Variants in ARHGAP15 observed in about 807,000 individuals in gnomAD.
The protein encoded by ARHGAP15 is rho GTPase-activating protein 15.
Under a neutral mutation model 63.7 loss-of-function variants are expected in ARHGAP15, and 51 were observed. That is an observed-to-expected ratio of 0.80 (90% confidence interval 0.64 to 1.01). The LOEUF (loss-of-function observed/expected upper bound fraction) is 1.01, where lower values mean the gene tolerates loss of function less well. Ranked by LOEUF, ARHGAP15 falls within the 50% of genes least tolerant of loss-of-function variation. The pLI, the probability that ARHGAP15 is intolerant of heterozygous loss-of-function variation, is 0.00. For missense variants in ARHGAP15, 560 were observed against 564.6 expected, an observed-to-expected ratio of 0.99 and a Z score of 0.08; for synonymous variants, 191 against 193.8, an observed-to-expected ratio of 0.99 and a Z score of 0.12.
At chr2:143,454,441 T>C (rs1280125034) in intron 8 of ARHGAP15, among the ~76,000 whole-genome samples, 1 of 152,092 alleles carries the variant, frequency 6.6e-6, no homozygotes, top group East Asian at 1.9e-4. Context: ...CACTGTATAT[T>C]TATCTGTTTG....
intron 9 of ARHGAP15, among the ~76,000 whole-genome samples, chr2:143,514,918 ACAT>A (rs749210346): frequency 7.2e-5 from 11 of 152,170 alleles, no homozygotes; most frequent in Non-Finnish European, 1.5e-4. Context: ...ATTTCCACTC[ACAT>A]CATTCCAAAG....
At chr2:143,289,284 A>C (rs987704952) in intron 6 of ARHGAP15, among the ~76,000 whole-genome samples, 1 of 152,212 alleles carries the variant, frequency 6.6e-6, no homozygotes, top group African/African-American at 2.4e-5. Flanking sequence ...GGGACCAACT[A>C]TACCAGGTTT....
At chr2:143,145,180 T>G (rs770877361) in intron 1 of ARHGAP15, among the ~76,000 whole-genome samples, 8 of 152,068 alleles carry the variant, frequency 5.3e-5, no homozygotes, top group Non-Finnish European at 1.0e-4. Flanking sequence ...GGTGAAACAT[T>G]AACTTAATAC....
chr2:143,318,158 C>G (rs756734425), intron 6 of ARHGAP15, among the ~76,000 whole-genome samples: 6 of 151,980 alleles, frequency 3.9e-5, no homozygotes, highest in Admixed American at 1.3e-4. Context: ...GGCACCACAC[C>G]TGGCTAATAT....
intron 6 of ARHGAP15, among the ~76,000 whole-genome samples, chr2:143,396,621 T>G (rs917262615): frequency 1.3e-5 from 2 of 151,998 alleles, no homozygotes; most frequent in African/African-American, 4.8e-5. Flanking sequence ...TTAAGTTTTT[T>G]TTTTTTTTTA....
chr2:143,635,194 CTT>C (rs10558886), intron 12 of ARHGAP15, among the ~76,000 whole-genome samples: 592 of 26,746 alleles, frequency 0.022, no homozygotes, highest in Non-Finnish European at 0.026. Flanking sequence ...CTCTCAGGAG[CTT>C]TTTTTTTTTT....
chr2:143,170,915 C>T (rs1558791356), intron 2 of ARHGAP15, among the ~76,000 whole-genome samples: 1 of 152,112 alleles, frequency 6.6e-6, no homozygotes, highest in Non-Finnish European at 1.5e-5. Flanking sequence ...CTTTCTCTAA[C>T]CTCAACAGAA....
At chr2:143,470,597 ATG>A (rs908429469) in intron 8 of ARHGAP15, among the ~76,000 whole-genome samples, 1 of 150,102 alleles carries the variant, frequency 6.7e-6, no homozygotes, top group African/African-American at 2.4e-5. Flanking sequence ...ATATATATGC[ATG>A]TGTGTGTATA....
At chr2:143,389,202 G>T (rs1687436111) in intron 6 of ARHGAP15, among the ~76,000 whole-genome samples, 1 of 151,694 alleles carries the variant, frequency 6.6e-6, no homozygotes, top group African/African-American at 2.4e-5. Context: ...CTGGCATGCT[G>T]GTGTATCTGG....
chr2:143,247,279 A>G (rs1361045177), intron 5 of ARHGAP15: 2 of 152,352 alleles, frequency 1.3e-5, no homozygotes, highest in Non-Finnish European at 1.5e-5. Flanking sequence ...GCATGCTGGT[A>G]GCAAGAGGTT....
At chr2:143,218,450 C>T (rs984115509) in intron 4 of ARHGAP15, among the ~76,000 whole-genome samples, 3 of 151,786 alleles carry the variant, frequency 2.0e-5, no homozygotes, top group Admixed American at 6.6e-5. Flanking sequence ...CCCTTGTAGA[C>T]CTTCATTTTA....
chr2:143,381,867 G>T (rs1342859850), intron 6 of ARHGAP15, among the ~76,000 whole-genome samples: 1 of 151,980 alleles, frequency 6.6e-6, no homozygotes, highest in Non-Finnish European at 1.5e-5. Context: ...AAAGCATAAA[G>T]GGGAGGAGGT....
At chr2:143,536,121 A>T (rs1456481704) in intron 10 of ARHGAP15, among the ~76,000 whole-genome samples, 1 of 152,202 alleles carries the variant, frequency 6.6e-6, no homozygotes, top group African/African-American at 2.4e-5. Context: ...TCGTCTTGCT[A>T]TCCAATAGAT....
At position 143,369,969 on chromosome 2, in the gene ARHGAP15, C is replaced by T. The variant is rs191214449; in HGVS notation, c.475-65632C>T. 1.4e-4 allele frequency among the ~76,000 whole-genome samples: 21 copies of T among 152,198 alleles called. 1 individual carries two copies. Among genetic ancestry groups the T allele is most frequent in the Admixed American group, 5.9e-4 (9 of 15,266 alleles). ...GATTCATATCTGTTTTATTCTAAAA[C>T]GCATGCTCACTTCCACTGAATTATG... On this transcript the variant is annotated intron_variant, in intron 6 of 13. Coordinates refer to ENST00000295095, the MANE Select transcript of ARHGAP15 (RefSeq NM_018460.4).
chr2:143,719,558 T>A (rs1684959070), intron 13 of ARHGAP15, among the ~76,000 whole-genome samples: 1 of 152,214 alleles, frequency 6.6e-6, no homozygotes, highest in Non-Finnish European at 1.5e-5. Context: ...TTTCCACTTT[T>A]CTTTCATTTC....
intron 12 of ARHGAP15, among the ~76,000 whole-genome samples, chr2:143,630,489 C>A (rs540465278): frequency 6.6e-6 from 1 of 152,028 alleles, no homozygotes; most frequent in Non-Finnish European, 1.5e-5. Context: ...CTGACCTACT[C>A]GTGAGAGGAA....
chr2:143,449,218 C>CA (rs757441332), intron 8 of ARHGAP15, among the ~76,000 whole-genome samples: 23 of 151,960 alleles, frequency 1.5e-4, no homozygotes, highest in Admixed American at 2.6e-4. Flanking sequence ...GCAACAATAT[C>CA]AAAAAATGAT....
intron 6 of ARHGAP15, among the ~76,000 whole-genome samples, chr2:143,312,285 G>A (rs759723243): frequency 5.9e-5 from 9 of 151,928 alleles, no homozygotes; most frequent in African/African-American, 1.4e-4. Flanking sequence ...CACGTCTTTC[G>A]GCAATTCAGA....
intron 10 of ARHGAP15, among the ~76,000 whole-genome samples, chr2:143,537,341 T>A (rs1029114084): frequency 6.6e-6 from 1 of 152,152 alleles, no homozygotes; most frequent in Admixed American, 6.5e-5. Flanking sequence ...CTGTTCACTC[T>A]GATGGTGGTT....
Sources: gnomAD v4.1 joint callset for allele counts (sites outside exome capture counted in the v4.1 genomes callset) on GRCh38, gnomAD v4.1.1 for gene constraint, MANE v1.5 for transcripts, NCBI Gene and HGNC (gene_info 2026-07-23, HGNC 2026-07-21) for gene names.